The following PDGFRA variants were observed in gnomAD, a reference collection of about 807,000 sequenced individuals.
The protein encoded by PDGFRA is platelet derived growth factor receptor alpha, also known as platelet-derived growth factor receptor alpha.
In PDGFRA, 25 loss-of-function variants were observed where a neutral mutation model predicts 121.5. The ratio of observed to expected loss-of-function variants is 0.21; its 90% confidence interval spans 0.15 to 0.29. The LOEUF is 0.29. Among genes scored for constraint, PDGFRA ranks in the 10% least tolerant of loss-of-function variants. PDGFRA has a pLI of 1.00. For missense variants in PDGFRA, 1,008 were observed against 1,345.1 expected (o/e 0.75, Z 3.92); for synonymous variants, 463 against 494.8 (o/e 0.94, Z 0.85).
chr4:54,281,021 G>A (rs1240397551), intron 16 of PDGFRA, among the ~76,000 whole-genome samples: 1 of 152,074 alleles, frequency 6.6e-6, no homozygotes, highest in African/African-American at 2.4e-5. Context: ...TAGATAATTT[G>A]CAGTTATATT....
In PDGFRA at chr4:54,263,744, C is replaced by G. The variant is rs2110251459; in HGVS notation, c.445C>G (p.Pro149Ala). Residue 149 changes from proline (P) to alanine (A), a missense_variant, in exon 4 of 23, where the codon CCT becomes GCT. By Grantham distance (27) the Pro-to-Ala change is conservative (BLOSUM62 -1). Around this residue, in one of 5 missense-constraint regions of PDGFRA, gnomAD observed 575 missense variants for 701.8 expected, o/e 0.82. Transcript: ENST00000257290. ...GGAGGATGATGATTCTGCCATTATA[C>G]CTTGTCGCACAACTGATCCCGAGAC... ...IVEDDDSAII[P>A]CRTTDPETPV... The G allele has an allele frequency of 6.2e-7, 1 of 1,613,936 alleles. No homozygotes were observed. The highest frequency in any genetic ancestry group is 8.5e-7 in the Non-Finnish European group (1 of 1,179,892).
chr4:54,259,067 G>A (rs548782639), intron 2 of PDGFRA, among the ~76,000 whole-genome samples: 1 of 152,292 alleles, frequency 6.6e-6, no homozygotes, highest in East Asian at 1.9e-4. Context: ...GCATTGAAAT[G>A]TTGTTAGTAA....
chr4:54,247,028 G>C (rs1398626743), intron 1 of PDGFRA, among the ~76,000 whole-genome samples: 1 of 152,178 alleles, frequency 6.6e-6, no homozygotes, highest in Non-Finnish European at 1.5e-5. Flanking sequence ...GGAAGAAGTT[G>C]ATTCTCTGAA....
At chr4:54,259,943 C>CT (rs2110238142) in intron 2 of PDGFRA, among the ~76,000 whole-genome samples, 1 of 151,984 alleles carries the variant, frequency 6.6e-6, no homozygotes, top group East Asian at 1.9e-4. Context: ...CTGTACTCTG[C>CT]TTACACAGTC....
At chr4:54,264,452 C>G in intron 4 of PDGFRA, 1 of 247,024 alleles carries the variant, frequency 4.0e-6, no homozygotes, top group Non-Finnish European at 7.8e-6. Context: ...AATCAGAGCA[C>G]AGCTAATTTT....
Position 54,296,583 on chromosome 4 carries a change from C to G in PDGFRA, c.*1311C>G, listed in dbSNP as rs1577757921. Reference sequence around the variant, plus strand: ...TGCATTAGCCTGGATCCTCAGTTCTCAAATGTGTGTGGCAGCCAGGATGAC... The same window carrying G: ...TGCATTAGCCTGGATCCTCAGTTCTGAAATGTGTGTGGCAGCCAGGATGAC... On this transcript the variant is annotated 3_prime_UTR_variant, in exon 23 of 23. Transcript: ENST00000257290. 3 of 232,440 alleles carry G rather than the reference C, an allele frequency of 1.3e-5. No individual in the cohort carries two copies. The highest frequency in any genetic ancestry group is 3.6e-4 in the South Asian group (2 of 5,518). The allele number at this position is 232,440 out of a possible 1,614,324, so 14.4% of individuals were successfully genotyped here.
chr4:54,252,162 G>A (rs910915810), intron 1 of PDGFRA, among the ~76,000 whole-genome samples: 10 of 152,312 alleles, frequency 6.6e-5, no homozygotes, highest in African/African-American at 1.9e-4. Context: ...GATGGCTAAC[G>A]TAAAGATCTG....
rs184646744 is a variant in PDGFRA, at chr4:54,294,600, C to T, written c.3123-525C>T. 2.6e-3 allele frequency among the ~76,000 whole-genome samples: 388 copies of T among 152,030 alleles called. 2 individuals carry two copies. Among genetic ancestry groups the T allele is most frequent in the African/African-American group, 8.7e-3 (361 of 41,442 alleles). ...TCCCCTTTCAGCCACTTCTCTAGTA[C>T]GTAAGGAGCCGTCACCTGGGCCCTC... On this transcript the variant is annotated intron_variant, in intron 22 of 22. Coordinates refer to ENST00000257290, the MANE Select transcript of PDGFRA (RefSeq NM_006206.6).
intron 22 of PDGFRA, among the ~76,000 whole-genome samples, chr4:54,291,002 A>G (rs1302357400): frequency 6.6e-6 from 1 of 152,226 alleles, no homozygotes; most frequent in Admixed American, 6.5e-5. Context: ...CTGCTGATCT[A>G]CAAGCCTCAC....
At chr4:54,290,691 A>G in intron 22 of PDGFRA, 137 bp downstream of exon 22, 1 of 974,460 alleles carries the variant, frequency 1.0e-6, no homozygotes, top group African/African-American at 1.6e-5. Context: ...AATCCTCAGG[A>G]GGTCCACGTG....
rs2110345679 is a variant in PDGFRA at position 54,288,999 on chromosome 4, GT to G, written c.2775-9del. ...CCCCCTGTGCCCACTCTTGAGTTCT[GT>G]CCCCACAGCTACGAGATCATGGTGA... On this transcript the variant is annotated splice_polypyrimidine_tract_variant and intron_variant, in intron 20 of 22. Transcript: ENST00000257290. 3 of 1,591,602 alleles carry G rather than the reference GT, an allele frequency of 1.9e-6. No homozygotes were observed. Among genetic ancestry groups the G allele is most frequent in the Non-Finnish European group, 2.6e-6 (3 of 1,159,474 alleles).
chr4:54,247,813 C>G (rs1461518842), intron 1 of PDGFRA, among the ~76,000 whole-genome samples: 6 of 152,100 alleles, frequency 3.9e-5, no homozygotes, highest in Non-Finnish European at 7.3e-5. Flanking sequence ...GATTGTATAT[C>G]TAGAAAACCC....
intron 5 of PDGFRA, among the ~76,000 whole-genome samples, chr4:54,265,953 CT>C (rs1237608754): frequency 6.6e-6 from 1 of 152,208 alleles, no homozygotes; most frequent in Non-Finnish European, 1.5e-5. Flanking sequence ...ATCCGTTTCT[CT>C]CTCCCATGCA....
intron 15 of PDGFRA, among the ~76,000 whole-genome samples, chr4:54,279,687 C>A (rs1404461566): frequency 1.3e-5 from 2 of 151,994 alleles, no homozygotes; most frequent in Non-Finnish European, 2.9e-5. Flanking sequence ...AGTTTGTAGT[C>A]TTTTATCCCT....
intron 1 of PDGFRA, among the ~76,000 whole-genome samples, chr4:54,244,709 C>T (rs1259619547): frequency 6.6e-6 from 1 of 152,260 alleles, no homozygotes; most frequent in African/African-American, 2.4e-5. Context: ...TGGAACAAAG[C>T]TGGACGGAGA....
Position 54,261,180 on chromosome 4 carries a change from T to C in PDGFRA, c.135T>C (p.Phe45=), listed in dbSNP as rs1222829140. Residue 45 remains phenylalanine (F), a synonymous_variant, in exon 3 of 23, where the codon TTT becomes TTC. Coordinates refer to ENST00000257290, the MANE Select transcript of PDGFRA (RefSeq NM_006206.6). The part of the protein sequence containing the change: ...NEKVVQLNSS[F]SLRCFGESEV... ...AGGTTGTGCAGCTGAATTCATCCTT[T>C]TCTCTGAGATGCTTTGGGGAGAGTG... The C allele has an allele frequency of 5.0e-6, 8 of 1,614,186 alleles. No homozygotes were observed. The South Asian group carries it at 7.7e-5, about 16-fold the overall frequency.
rs375117626 is a variant in PDGFRA at position 54,258,793 on chromosome 4, C to T, written c.25C>T (p.Leu9=). 7.4e-6 allele frequency: 12 copies of T among 1,613,730 alleles called. No individual in the cohort carries two copies. The South Asian group carries it at 9.9e-5, about 13-fold the overall frequency. The part of the protein sequence containing the change: MGTSHPAF[L]VLGCLLTGLS... ...TATGGGGACTTCCCATCCGGCGTTC[C>T]TGGTCTTAGGCTGTCTTCTCACAGG... is the stretch of plus-strand genomic sequence containing the variant. Residue 9 remains leucine (L), a synonymous_variant, in exon 2 of 23, where the codon CTG becomes TTG. Coordinates refer to ENST00000257290, the MANE Select transcript of PDGFRA (RefSeq NM_006206.6).
intron 1 of PDGFRA, among the ~76,000 whole-genome samples, chr4:54,242,928 G>A (rs574332144): frequency 3.9e-5 from 6 of 152,270 alleles, no homozygotes; most frequent in East Asian, 1.9e-4. Flanking sequence ...ACTTTTGGGG[G>A]CATCAGAAAT....
chr4:54,249,912 C>T (rs1721954737), intron 1 of PDGFRA, among the ~76,000 whole-genome samples: 1 of 151,906 alleles, frequency 6.6e-6, no homozygotes, highest in African/African-American at 2.4e-5. Flanking sequence ...TACTCTGTAA[C>T]AGAAAATTGT....
Sources: allele counts gnomAD v4.1 joint callset (sites outside exome capture counted in the v4.1 genomes callset), GRCh38; gene constraint gnomAD v4.1.1; regional missense constraint gnomAD v4.1.1; transcripts MANE v1.5; gene names NCBI Gene and HGNC (gene_info 2026-07-23, HGNC 2026-07-21).